PSTPIP2: variants seen among roughly 807,000 people sequenced by gnomAD.
The protein encoded by PSTPIP2 is proline-serine-threonine phosphatase-interacting protein 2.
PSTPIP2 carries 33 observed loss-of-function variants against 63.3 expected under a neutral mutation model. The observed-to-expected ratio is 0.52, with a 90% CI of 0.40 to 0.70. PSTPIP2 has a LOEUF of 0.70. Ranked by LOEUF, PSTPIP2 falls within the 30% of genes least tolerant of loss-of-function variation. The pLI, the probability that PSTPIP2 is intolerant of heterozygous loss-of-function variation, is 0.00. For missense variants in PSTPIP2, 312 were observed against 400.7 expected (o/e 0.78, Z 1.89); for synonymous variants, 125 against 132.7 (o/e 0.94, Z 0.40).
At chr18:46,021,771 C>T (rs377183897) in intron 3 of PSTPIP2, among the ~76,000 whole-genome samples, 1 of 144,780 alleles carries the variant, frequency 6.9e-6, no homozygotes, top group African/African-American at 2.6e-5. Flanking sequence ...CGTGGTAAAA[C>T]CCTGTCTCTA....
chr18:46,047,172 C>T (rs769610679), intron 1 of PSTPIP2, among the ~76,000 whole-genome samples: 13 of 152,342 alleles, frequency 8.5e-5, no homozygotes, highest in Non-Finnish European at 1.8e-4. Flanking sequence ...CATGTTACCT[C>T]CCTATGCTGT....
intron 1 of PSTPIP2, among the ~76,000 whole-genome samples, chr18:46,068,244 T>A (rs1599755608): frequency 6.6e-6 from 1 of 152,248 alleles, no homozygotes; most frequent in African/African-American, 2.4e-5. Flanking sequence ...TGTGTGTAGG[T>A]TATATGTAAA....
chr18:46,030,861 TG>T (rs1331993197), intron 2 of PSTPIP2, among the ~76,000 whole-genome samples: 1 of 152,222 alleles, frequency 6.6e-6, no homozygotes, highest in Non-Finnish European at 1.5e-5. Flanking sequence ...CTTCTGTCAT[TG>T]TACAGAAGCC....
At position 45,984,802 on chromosome 18, in the gene PSTPIP2, T is replaced by G. The variant is rs986944061; in HGVS notation, c.*657A>C. ...CTGAAAAAGTGCTGGCAAAAATATT[T>G]GGCATCTTAAATTTCAGCATGAGCA... On this transcript the variant is annotated 3_prime_UTR_variant, in exon 15 of 15. Transcript: ENST00000409746. 2.0e-5 allele frequency: 3 copies of G among 152,272 alleles called. No individual in the cohort carries two copies. Among genetic ancestry groups the G allele is most frequent in the Admixed American group, 6.5e-5 (1 of 15,290 alleles). The allele number at this position is 152,272 out of a possible 1,614,324, so 9.4% of individuals were successfully genotyped here. A position where few individuals can be genotyped will look rare whatever the true frequency, so the allele number is the denominator to read the frequency against.
chr18:46,061,318 A>AG (rs1599749858), intron 1 of PSTPIP2, among the ~76,000 whole-genome samples: 1 of 152,140 alleles, frequency 6.6e-6, no homozygotes, highest in Non-Finnish European at 1.5e-5. Flanking sequence ...AAAAAAAAAA[A>AG]AAAAATCATA....
intron 1 of PSTPIP2, among the ~76,000 whole-genome samples, chr18:46,058,930 G>C (rs1908881282): frequency 6.6e-6 from 1 of 152,192 alleles, no homozygotes; most frequent in Non-Finnish European, 1.5e-5. Flanking sequence ...TTGGGTACAA[G>C]TTGCAGGTTT....
At chr18:46,047,846 A>G (rs1908439216) in intron 1 of PSTPIP2, among the ~76,000 whole-genome samples, 1 of 152,242 alleles carries the variant, frequency 6.6e-6, no homozygotes, top group Non-Finnish European at 1.5e-5. Flanking sequence ...TGGATTTAGT[A>G]TTCATTTGAG....
At position 45,992,122 on chromosome 18, in the gene PSTPIP2, A is replaced by C; in HGVS notation, c.822T>G (p.Thr274=). Reference sequence around the variant, plus strand: ...CCCATTCACCTGGTGGAATCTGTCCAGTTTTGCGTTGATTCACAAAGTATT... The same window carrying C: ...CCCATTCACCTGGTGGAATCTGTCCCGTTTTGCGTTGATTCACAAAGTATT... ...DIEYFVNQRK[T]GQIPPAPIMY... The change falls in exon 11 of 15, where the codon ACT becomes ACG. Residue 274 remains threonine, a synonymous_variant. Transcript: ENST00000409746. 6.2e-7 allele frequency: 1 copy of C among 1,608,404 alleles called. No individual in the cohort carries two copies. Among genetic ancestry groups the C allele is most frequent in the Non-Finnish European group, 8.5e-7 (1 of 1,177,014 alleles).
intron 1 of PSTPIP2, among the ~76,000 whole-genome samples, chr18:46,046,091 G>A (rs752473952): frequency 3.3e-5 from 5 of 152,252 alleles, no homozygotes; most frequent in Non-Finnish European, 7.3e-5. Flanking sequence ...CAACAAAGTT[G>A]CCAAAGCTAT....
At chr18:46,028,175 C>G (rs970865577) in intron 2 of PSTPIP2, 8 of 332,618 alleles carry the variant, frequency 2.4e-5, no homozygotes, top group African/African-American at 1.6e-4. Context: ...AGAAAAGAGG[C>G]GCGCATGCGC....
chr18:46,017,472 G>T (rs1156248498), intron 3 of PSTPIP2, among the ~76,000 whole-genome samples: 1 of 152,012 alleles, frequency 6.6e-6, no homozygotes, highest in Non-Finnish European at 1.5e-5. Context: ...AAGCTCTGTT[G>T]CTTTAAAAAT....
chr18:45,998,267 A>G (rs1325023364), intron 8 of PSTPIP2, among the ~76,000 whole-genome samples: 1 of 152,198 alleles, frequency 6.6e-6, no homozygotes, highest in Non-Finnish European at 1.5e-5. Context: ...CATAACCACC[A>G]CAGTCATGAG....
chr18:46,032,583 AT>A (rs1400497445), intron 2 of PSTPIP2, among the ~76,000 whole-genome samples: 1 of 151,820 alleles, frequency 6.6e-6, no homozygotes. Context: ...GTGAAACCCC[AT>A]TTCTACTAAA....
chr18:46,012,777 A>G (rs1336148063), intron 4 of PSTPIP2, among the ~76,000 whole-genome samples: 3 of 152,124 alleles, frequency 2.0e-5, no homozygotes, highest in Admixed American at 2.0e-4. Context: ...ATCTCAAAAA[A>G]AGAGAGAGAG....
At chr18:45,992,784 G>A (rs2144060688) in intron 10 of PSTPIP2, among the ~76,000 whole-genome samples, 1 of 150,944 alleles carries the variant, frequency 6.6e-6, no homozygotes, top group Admixed American at 6.6e-5. Flanking sequence ...GTGCAGTGGT[G>A]CAATCTCAGC....
intron 8 of PSTPIP2, 114 bp from the exon 9 acceptor site, chr18:45,997,942 T>C (rs10468980): frequency 0.16 from 132,611 of 852,684 alleles, 13,454 homozygotes; most frequent in East Asian, 0.43. Context: ...GTGCTGAGCT[T>C]ACAAGGCCCC....
At chr18:45,998,653 C>A (rs1417140733) in intron 8 of PSTPIP2, 141 bp downstream of exon 8, 3 of 827,714 alleles carry the variant, frequency 3.6e-6, no homozygotes, top group Non-Finnish European at 5.5e-6. Flanking sequence ...CCCTTTTTCC[C>A]TTCAGATATC....
intron 2 of PSTPIP2, among the ~76,000 whole-genome samples, chr18:46,038,091 C>T (rs1421918415): frequency 1.3e-5 from 2 of 152,130 alleles, no homozygotes; most frequent in Non-Finnish European, 2.9e-5. Flanking sequence ...GACAGGATCT[C>T]ACTCTGTCAC....
chr18:46,019,657 C>A (rs1044935109), intron 3 of PSTPIP2, among the ~76,000 whole-genome samples: 4 of 152,090 alleles, frequency 2.6e-5, no homozygotes, highest in Non-Finnish European at 5.9e-5. Flanking sequence ...AAAAATTACC[C>A]AGGTGTGGTG....
Sources: gnomAD v4.1 joint callset for allele counts (sites outside exome capture counted in the v4.1 genomes callset) on GRCh38, gnomAD v4.1.1 for gene constraint, MANE v1.5 for transcripts, NCBI Gene and HGNC (gene_info 2026-07-23, HGNC 2026-07-21) for gene names.